The following MAST4 variants were observed in gnomAD, a reference collection of about 807,000 sequenced individuals.
MAST4 encodes the protein microtubule associated serine/threonine kinase family member 4, also known as microtubule-associated serine/threonine-protein kinase 4.
In MAST4, 89 loss-of-function variants were observed where a neutral mutation model predicts 162.7. That is an observed-to-expected ratio of 0.55 (90% CI 0.46 to 0.65). The LOEUF is 0.65. MAST4 is among the 30% of genes least tolerant of loss of function. MAST4 has a pLI of 0.00. For synonymous variants in MAST4, 1,479 were observed against 1,361.1 expected (o/e 1.09, Z -1.91); for missense variants, 3,153 against 3,374.0 (o/e 0.93, Z 1.62).
chr5:67,144,235 A>G (rs1022954902), intron 21 of MAST4, among the ~76,000 whole-genome samples: 6 of 152,038 alleles, frequency 3.9e-5, no homozygotes, highest in Admixed American at 3.3e-4. Context: ...CTCAATTCCA[A>G]TTCATTTTTC....
intron 1 of MAST4, among the ~76,000 whole-genome samples, chr5:66,653,322 G>A (rs1746345415): frequency 6.6e-6 from 1 of 152,136 alleles, no homozygotes; most frequent in African/African-American, 2.4e-5. Flanking sequence ...AGTCTTCAGT[G>A]TTTGTTACTT....
intron 19 of MAST4, among the ~76,000 whole-genome samples, chr5:67,141,378 G>A (rs971040286): frequency 8.5e-5 from 13 of 152,254 alleles, no homozygotes; most frequent in African/African-American, 3.1e-4. Flanking sequence ...ATTATAACAT[G>A]TACCTTTTTC....
intron 3 of MAST4, among the ~76,000 whole-genome samples, chr5:66,814,021 C>CACCTGATCCGGGGG (rs202223708): frequency 6.6e-6 from 1 of 152,134 alleles, no homozygotes; most frequent in Non-Finnish European, 1.5e-5. Context: ...CTTTCTGCTT[C>CACCTGATCCGGGGG]ACCTGATCCG....
intron 5 of MAST4, among the ~76,000 whole-genome samples, chr5:67,081,799 C>T (rs947020369): frequency 6.6e-6 from 1 of 151,826 alleles, no homozygotes; most frequent in Middle Eastern, 3.4e-3. Flanking sequence ...ATTTCTATGC[C>T]CCAGACATTA....
intron 2 of MAST4, among the ~76,000 whole-genome samples, chr5:66,765,221 C>T (rs1754039863): frequency 6.6e-6 from 1 of 152,168 alleles, no homozygotes; most frequent in Non-Finnish European, 1.5e-5. Context: ...AAGCATTTCT[C>T]AGAATGTATA....
chr5:66,854,473 G>C (rs992037411), intron 3 of MAST4, among the ~76,000 whole-genome samples: 1 of 152,070 alleles, frequency 6.6e-6, no homozygotes, highest in Non-Finnish European at 1.5e-5. Flanking sequence ...TCAAGGTATC[G>C]GCTGGGGCTG....
intron 17 of MAST4, among the ~76,000 whole-genome samples, chr5:67,134,124 C>T (rs919222421): frequency 6.6e-6 from 1 of 152,020 alleles, no homozygotes; most frequent in African/African-American, 2.4e-5. Context: ...ATGAAATGAC[C>T]TGTGTGTGAA....
At chr5:66,720,516 A>G (rs974734476) in intron 1 of MAST4, among the ~76,000 whole-genome samples, 2 of 152,118 alleles carry the variant, frequency 1.3e-5, no homozygotes, top group Admixed American at 6.5e-5. Context: ...AATTTTATAT[A>G]TTCTGTATAC....
chr5:66,730,343 A>T (rs764550758), intron 1 of MAST4, among the ~76,000 whole-genome samples: 1 of 152,182 alleles, frequency 6.6e-6, no homozygotes, highest in Non-Finnish European at 1.5e-5. Flanking sequence ...ACTGATGAAG[A>T]TGAATAGGTA....
chr5:66,843,431 T>TC (rs1378227258), intron 3 of MAST4, among the ~76,000 whole-genome samples: 1 of 152,214 alleles, frequency 6.6e-6, no homozygotes, highest in Admixed American at 6.5e-5. Context: ...ATCCTTTTTT[T>TC]CTCTGAGCTA....
intron 4 of MAST4, among the ~76,000 whole-genome samples, chr5:67,025,713 A>G (rs6894396): frequency 0.029 from 4,458 of 152,308 alleles, 186 homozygotes; most frequent in African/African-American, 0.089. Flanking sequence ...GCTGGCTTTC[A>G]TCAGTTATGT....
chr5:66,889,555 G>T (rs185769560), intron 3 of MAST4, among the ~76,000 whole-genome samples: 32 of 152,122 alleles, frequency 2.1e-4, no homozygotes, highest in Non-Finnish European at 8.8e-5. Flanking sequence ...AATTTGCTTC[G>T]AATTTTCAAA....
chr5:66,751,236 C>T (rs1439503424), intron 1 of MAST4, among the ~76,000 whole-genome samples: 29 of 152,204 alleles, frequency 1.9e-4, no homozygotes, highest in East Asian at 3.9e-4. Context: ...AAAAGCAGAG[C>T]GCCTCTCCTC....
rs371374517 is a variant in MAST4 at position 66,747,479 on chromosome 5, C to G, written c.364-12230C>G. ...TTCTTTCTTAAAAAATATGGACATTCATTGAGAAAGTGAATTGCAGTGAAC... is the reference window on the plus strand; with the variant it reads ...TTCTTTCTTAAAAAATATGGACATTGATTGAGAAAGTGAATTGCAGTGAAC... On this transcript the variant is annotated intron_variant, in intron 1 of 28. Coordinates refer to ENST00000403625, the MANE Select transcript of MAST4 (RefSeq NM_001164664.2). Among the ~76,000 whole-genome samples the G allele has an allele frequency of 2.0e-5, 3 of 152,144 alleles. No homozygotes were observed. In the East Asian group the frequency reaches 5.8e-4, roughly 29 times the overall value.
chr5:66,794,092 G>C (rs1459015903), intron 3 of MAST4, among the ~76,000 whole-genome samples: 1 of 152,092 alleles, frequency 6.6e-6, no homozygotes, highest in Non-Finnish European at 1.5e-5. Flanking sequence ...TTATGGTTTT[G>C]TTTTTAATCT....
chr5:66,887,845 C>T (rs890535084), intron 3 of MAST4, among the ~76,000 whole-genome samples: 1 of 152,160 alleles, frequency 6.6e-6, no homozygotes, highest in African/African-American at 2.4e-5. Context: ...AGCAGAGAAT[C>T]TTACCTTAAC....
At chr5:66,603,383 G>T (rs1188757791) in intron 1 of MAST4, among the ~76,000 whole-genome samples, 1 of 152,202 alleles carries the variant, frequency 6.6e-6, no homozygotes, top group African/African-American at 2.4e-5. Context: ...TGCACCCAGA[G>T]ATTTAGTCAG....
At chr5:67,008,128 C>T (rs1752256836) in intron 4 of MAST4, among the ~76,000 whole-genome samples, 2 of 152,212 alleles carry the variant, frequency 1.3e-5, no homozygotes, top group Non-Finnish European at 2.9e-5. Flanking sequence ...TCCTCCTCTC[C>T]CTTCCCCTCA....
At chr5:66,998,653 T>C (rs976791729) in intron 4 of MAST4, among the ~76,000 whole-genome samples, 6 of 152,172 alleles carry the variant, frequency 3.9e-5, no homozygotes, top group African/African-American at 1.4e-4. Flanking sequence ...AATCTCTTCT[T>C]TCCCCTGCCC....
Sources: gnomAD v4.1 joint callset for allele counts (sites outside exome capture counted in the v4.1 genomes callset) on GRCh38, gnomAD v4.1.1 for gene constraint, MANE v1.5 for transcripts, NCBI Gene and HGNC (gene_info 2026-07-23, HGNC 2026-07-21) for gene names.